Variants in ANGEL2 observed in about 807,000 individuals in gnomAD.
The protein encoded by ANGEL2 is angel homolog 2, also known as RNA 2',3'-cyclic phosphatase ANGEL2.
Under a neutral mutation model 66.0 loss-of-function variants are expected in ANGEL2, and 41 were observed. The observed-to-expected ratio is 0.62, with a 90% CI of 0.48 to 0.81. ANGEL2 has a LOEUF of 0.81. ANGEL2 is among the 30% of genes least tolerant of loss of function. ANGEL2 has a pLI of 0.00. For missense variants in ANGEL2, 561 were observed against 641.6 expected (o/e 0.87, Z 1.36); for synonymous variants, 208 against 226.5 (o/e 0.92, Z 0.73).
At position 213,005,349 on chromosome 1, in the gene ANGEL2, A is replaced by T. The variant is rs779426660; in HGVS notation, c.818T>A (p.Phe273Tyr). 2 of 1,614,262 alleles carry T rather than the reference A, an allele frequency of 1.2e-6. No homozygotes were observed. The highest frequency in any genetic ancestry group is 1.7e-6 in the Non-Finnish European group (2 of 1,180,042). Residue 273 changes from phenylalanine to tyrosine, a missense_variant, in exon 5 of 9, where the codon TTC becomes TAC. Coordinates refer to ENST00000366962, the MANE Select transcript of ANGEL2 (RefSeq NM_144567.5). ...CAACAGAGAAATATCAGGGCGGAAG[A>T]ATTCCACTGGGTTCACTGACAAGAG... is the stretch of plus-strand genomic sequence containing the variant. The part of the protein sequence containing the change: ...FSLLSVNPVE[F>Y]FRPDISLLDR...
Position 213,000,249 on chromosome 1 carries a change from T to A in ANGEL2, c.1319+77A>T, listed in dbSNP as rs531475393. ...GAATACTATCACCTTCATTTTTTTA[T>A]CCAAGTGATTTTTGAGAAATGAGTT... is the stretch of plus-strand genomic sequence containing the variant. On this transcript the variant is annotated intron_variant, in intron 7 of 8. Coordinates refer to ENST00000366962, the MANE Select transcript of ANGEL2 (RefSeq NM_144567.5). The A allele has an allele frequency of 2.8e-5, 39 of 1,380,744 alleles. No individual in the cohort carries two copies. In the African/African-American group the frequency reaches 4.9e-4, roughly 17 times the overall value. The allele number at this position is 1,380,744 out of a possible 1,614,324, so 85.5% of individuals were successfully genotyped here.
At chr1:213,013,559 G>T in intron 1 of ANGEL2, 141 bp from the exon 2 acceptor site, 1 of 780,566 alleles carries the variant, frequency 1.3e-6, no homozygotes, top group Non-Finnish European at 2.0e-6. Context: ...GAAGAGGAAA[G>T]CACCCATGAT....
At position 213,008,623 on chromosome 1, in the gene ANGEL2, C is replaced by A. The variant is rs148762861; in HGVS notation, c.386-157G>T. On this transcript the variant is annotated intron_variant, in intron 2 of 8. Coordinates refer to ENST00000366962, the MANE Select transcript of ANGEL2 (RefSeq NM_144567.5). ...GCAATATAGCACTGAATAATTAGAACTGTTATCAAATTGGTTACAAATGCG... is the reference window on the plus strand; with the variant it reads ...GCAATATAGCACTGAATAATTAGAAATGTTATCAAATTGGTTACAAATGCG... Among the ~76,000 whole-genome samples the A allele has an allele frequency of 4.6e-5, 7 of 152,324 alleles. 1 individual carries two copies. Among genetic ancestry groups the A allele is most frequent in the African/African-American group, 1.7e-4 (7 of 41,578 alleles).
intron 2 of ANGEL2, among the ~76,000 whole-genome samples, chr1:213,012,363 A>C (rs1009925400): frequency 6.6e-6 from 1 of 152,228 alleles, no homozygotes; most frequent in African/African-American, 2.4e-5. Context: ...AATTCTACCT[A>C]GACACCTCAC....
At chr1:212,998,489 T>G (rs1287833234) in intron 7 of ANGEL2, among the ~76,000 whole-genome samples, 2 of 151,704 alleles carry the variant, frequency 1.3e-5, no homozygotes, top group Non-Finnish European at 2.9e-5. Flanking sequence ...ATATAAACAC[T>G]CTGTATTTAC....
At position 213,001,025 on chromosome 1, in the gene ANGEL2, T is replaced by TA. The variant is rs2076164546; in HGVS notation, c.1135-114dup. The TA allele has an allele frequency of 1.5e-5, 14 of 958,318 alleles. No homozygotes were observed. The South Asian group carries it at 2.1e-4, about 15-fold the overall frequency. 59.4% of individuals were successfully genotyped at this position (958,318 alleles called of 1,614,324 possible). A position where few individuals can be genotyped will look rare whatever the true frequency, so the allele number is the denominator to read the frequency against. On this transcript the variant is annotated intron_variant, in intron 5 of 8. Coordinates refer to ENST00000366962, the MANE Select transcript of ANGEL2 (RefSeq NM_144567.5). ...CCAAAAGTGGTAAATTATTACCCTT[T>TA]ATTCATTGTATTAAGTGATTCTTTG...
intron 5 of ANGEL2, among the ~76,000 whole-genome samples, chr1:213,003,630 A>C (rs2148151680): frequency 6.6e-6 from 1 of 152,320 alleles, no homozygotes; most frequent in African/African-American, 2.4e-5. Context: ...ACACCCCAAA[A>C]CCATTACAAT....
At chr1:213,003,291 T>C (rs1435689962) in intron 5 of ANGEL2, among the ~76,000 whole-genome samples, 2 of 152,210 alleles carry the variant, frequency 1.3e-5, no homozygotes. Flanking sequence ...TACACTGGAG[T>C]AGCACTTCTA....
In ANGEL2 at chr1:213,015,657, G is replaced by T. The variant is rs771854479; in HGVS notation, c.15C>A (p.Arg5=). The T allele has an allele frequency of 2.5e-6, 4 of 1,613,940 alleles. No individual in the cohort carries two copies. In the East Asian group the frequency reaches 8.9e-5, roughly 36 times the overall value. Residue 5 remains arginine, a synonymous_variant, in exon 1 of 9, where the codon CGC becomes CGA. Transcript: ENST00000366962. The stretch of plus-strand genomic sequence containing the variant: ...AGTGGCCGTAGCCCTTCCTCACACA[G>T]CGCCAGGCTTCCATCTTCGCCCTCC... MEAW[R]CVRKGYGHCV... is the part of the protein sequence containing the mutation.
intron 5 of ANGEL2, among the ~76,000 whole-genome samples, chr1:213,002,769 A>G (rs2076211146): frequency 6.6e-6 from 1 of 151,984 alleles, no homozygotes; most frequent in African/African-American, 2.4e-5. Context: ...AAATATTAAA[A>G]AATTAGCCCG....
chr1:212,996,170 G>A (rs1035738047), intron 8 of ANGEL2, among the ~76,000 whole-genome samples: 12 of 152,118 alleles, frequency 7.9e-5, no homozygotes, highest in Non-Finnish European at 1.8e-4. Flanking sequence ...AGCCGGGCAT[G>A]GTGGCGGGCG....
chr1:213,005,594 G>A (rs1188321375), intron 4 of ANGEL2, 140 bp from the exon 5 acceptor site: 6 of 970,006 alleles, frequency 6.2e-6, no homozygotes, highest in Non-Finnish European at 7.4e-6. Context: ...ATAAACATTG[G>A]AATAAAAAAC....
rs186035810 is a variant in ANGEL2 at position 213,007,820 on chromosome 1, C to T, written c.642+390G>A. Among the ~76,000 whole-genome samples the T allele has an allele frequency of 2.5e-4, 38 of 151,896 alleles. 2 individuals carry two copies. The East Asian group carries it at 6.8e-3, about 27-fold the overall frequency. On this transcript the variant is annotated intron_variant, in intron 3 of 8. Transcript: ENST00000366962. ...ACAAAATGGATAAAACCATTTAGTTCATAAATGCACAAATGAAACATTTAA... is the reference window on the plus strand; with the variant it reads ...ACAAAATGGATAAAACCATTTAGTTTATAAATGCACAAATGAAACATTTAA...
intron 1 of ANGEL2, 80 bp downstream of exon 1, chr1:213,015,533 C>CCCGGT: frequency 2.6e-6 from 4 of 1,533,114 alleles, no homozygotes; most frequent in Non-Finnish European, 3.5e-6. Flanking sequence ...CGCCCCGCCC[C>CCCGGT]GGGTTAGTCC....
intron 4 of ANGEL2, among the ~76,000 whole-genome samples, chr1:213,006,159 CA>C (rs961980120): frequency 1.3e-5 from 2 of 151,192 alleles, no homozygotes; most frequent in African/African-American, 4.9e-5. Flanking sequence ...AGTAGGCACT[CA>C]AAAAAAAATT....
chr1:212,996,274 T>C (rs993834079), intron 8 of ANGEL2, among the ~76,000 whole-genome samples: 4 of 152,054 alleles, frequency 2.6e-5, no homozygotes, highest in Non-Finnish European at 4.4e-5. Context: ...GCCACTGCAC[T>C]CCAGCCTGGG....
intron 8 of ANGEL2, among the ~76,000 whole-genome samples, chr1:212,995,626 A>C (rs2075973113): frequency 6.6e-6 from 1 of 152,240 alleles, no homozygotes; most frequent in African/African-American, 2.4e-5. Flanking sequence ...ACAGAAGTGA[A>C]GATGACATGC....
At chr1:213,011,296 G>A (rs1460584727) in intron 2 of ANGEL2, 32 of 1,277,220 alleles carry the variant, frequency 2.5e-5, no homozygotes, top group East Asian at 5.6e-5. Flanking sequence ...GGTTTTTAGG[G>A]TGCCTAATTA....
intron 5 of ANGEL2, among the ~76,000 whole-genome samples, chr1:213,003,101 A>G (rs2076223225): frequency 6.6e-6 from 1 of 152,062 alleles, no homozygotes; most frequent in South Asian, 2.1e-4. Context: ...TTAACTTCCA[A>G]CTTCTCTTCT....
Sources: gnomAD v4.1 joint callset for allele counts (sites outside exome capture counted in the v4.1 genomes callset) on GRCh38, gnomAD v4.1.1 for gene constraint, MANE v1.5 for transcripts, NCBI Gene and HGNC (gene_info 2026-07-23, HGNC 2026-07-21) for gene names.